The following PTK2 variants were observed in gnomAD, a reference collection of about 807,000 sequenced individuals.
The protein encoded by PTK2 is protein tyrosine kinase 2, also known as focal adhesion kinase 1.
Under a neutral mutation model 150.1 loss-of-function variants are expected in PTK2, and 45 were observed. That is an observed-to-expected ratio of 0.30 (90% CI 0.24 to 0.38). The LOEUF is 0.38. PTK2 is among the 10% of genes least tolerant of loss of function. The pLI is 1.00. For missense variants in PTK2, 919 were observed against 1,307.3 expected, an observed-to-expected ratio of 0.70 and a Z score of 4.58; for synonymous variants, 432 against 449.2, an observed-to-expected ratio of 0.96 and a Z score of 0.48.
At chr8:140,968,398 T>G (rs2100186051) in intron 1 of PTK2, among the ~76,000 whole-genome samples, 1 of 152,106 alleles carries the variant, frequency 6.6e-6, no homozygotes. Context: ...AAAAAATCGT[T>G]TTTAATTATT....
chr8:140,752,691 C>T lies in PTK2; in HGVS notation c.1333-375G>A, dbSNP rs568055130. 1.4e-4 allele frequency among the ~76,000 whole-genome samples: 22 copies of T among 152,318 alleles called. No homozygotes were observed. The South Asian group carries it at 4.6e-3, about 32-fold the overall frequency. ...CAGATAATAAATAAAGAATTAATTA[C>T]ATAGTATGTTAGAAGGTAACCGTGT... On this transcript the variant is annotated intron_variant, in intron 16 of 31. Coordinates refer to ENST00000522684, the Ensembl canonical transcript of PTK2.
chr8:140,851,026 T>C (rs1218736305), intron 5 of PTK2, among the ~76,000 whole-genome samples: 2 of 152,228 alleles, frequency 1.3e-5, no homozygotes, highest in Admixed American at 6.5e-5. Context: ...TCAAATGACC[T>C]TGGTAGCAAA....
At chr8:140,959,538 CAAAAA>C (rs34010616) in intron 1 of PTK2, among the ~76,000 whole-genome samples, 1 of 85,060 alleles carries the variant, frequency 1.2e-5, no homozygotes. Context: ...GACTCTGTCT[CAAAAA>C]AAAAAAAAAA....
intron 29 of PTK2, among the ~76,000 whole-genome samples, chr8:140,670,912 C>T (rs2095265826): frequency 6.6e-6 from 1 of 152,120 alleles, no homozygotes; most frequent in Non-Finnish European, 1.5e-5. Context: ...TCTACTTTAC[C>T]CTTTGCCCAA....
At chr8:140,920,571 GC>G (rs747052632) in intron 2 of PTK2, among the ~76,000 whole-genome samples, 3 of 152,036 alleles carry the variant, frequency 2.0e-5, no homozygotes, top group Non-Finnish European at 4.4e-5. Context: ...ATAGGACAGA[GC>G]ATTAAAAGAT....
exon 5 of PTK2, chr8:140,864,376 A>G (rs1344432751): frequency 6.3e-7 from 1 of 1,591,694 alleles, no homozygotes. Flanking sequence ...TCCTTTTGGC[A>G]AATAACGAAT....
chr8:140,983,196 G>C (rs1265205482), intron 1 of PTK2, among the ~76,000 whole-genome samples: 2 of 151,964 alleles, frequency 1.3e-5, no homozygotes, highest in Non-Finnish European at 2.9e-5. Context: ...AGACCAGCCT[G>C]GCCAACAGAG....
At chr8:140,972,750 G>A (rs2100187785) in intron 1 of PTK2, among the ~76,000 whole-genome samples, 1 of 152,048 alleles carries the variant, frequency 6.6e-6, no homozygotes, top group Admixed American at 6.6e-5. Flanking sequence ...TAGATTCCCA[G>A]GTCTTCCGCA....
intron 2 of PTK2, among the ~76,000 whole-genome samples, chr8:140,907,770 G>A (rs960145939): frequency 3.3e-5 from 5 of 152,068 alleles, no homozygotes; most frequent in African/African-American, 9.7e-5. Context: ...GTCTTGGGGT[G>A]CCACAAATGG....
chr8:140,940,899 G>A (rs1217991122), intron 1 of PTK2, among the ~76,000 whole-genome samples: 2 of 152,062 alleles, frequency 1.3e-5, no homozygotes, highest in African/African-American at 4.8e-5. Context: ...GAACCCAGGA[G>A]GCAGTGGTTG....
intron 1 of PTK2, among the ~76,000 whole-genome samples, chr8:140,990,489 A>G (rs2100195297): frequency 6.6e-6 from 1 of 152,040 alleles, no homozygotes; most frequent in Non-Finnish European, 1.5e-5. Flanking sequence ...TGATCCTCCC[A>G]CCCTGGCCTC....
chr8:140,701,458 G>A (rs2100030410), intron 25 of PTK2, among the ~76,000 whole-genome samples: 1 of 152,004 alleles, frequency 6.6e-6, no homozygotes, highest in Non-Finnish European at 1.5e-5. Context: ...AATGAGATGG[G>A]GTCTTGCTAT....
chr8:140,661,489 G>A (rs1411088973), intron 31 of PTK2, among the ~76,000 whole-genome samples: 1 of 152,202 alleles, frequency 6.6e-6, no homozygotes, highest in African/African-American at 2.4e-5. Flanking sequence ...AAAGCAGACC[G>A]TTCTTGCCAA....
chr8:140,818,451 G>C (rs1566964370), intron 9 of PTK2, 97 bp from the exon 10 acceptor site: 3 of 1,061,828 alleles, frequency 2.8e-6, no homozygotes, highest in Non-Finnish European at 4.3e-6. Context: ...CCAAAGCAGG[G>C]GCTGGTTTGG....
chr8:140,751,209 C>T (rs2100062466), intron 17 of PTK2, among the ~76,000 whole-genome samples: 1 of 152,218 alleles, frequency 6.6e-6, no homozygotes, highest in Admixed American at 6.5e-5. Flanking sequence ...CATTCAGTCA[C>T]TTAGGCTGGA....
chr8:140,827,219 T>C (rs1049120863), intron 8 of PTK2, among the ~76,000 whole-genome samples: 3 of 152,148 alleles, frequency 2.0e-5, no homozygotes, highest in Non-Finnish European at 4.4e-5. Context: ...ACCAAGTGAC[T>C]GCCCACAATG....
chr8:140,798,864 G>C (rs187605333), intron 12 of PTK2, among the ~76,000 whole-genome samples: 1 of 151,930 alleles, frequency 6.6e-6, no homozygotes, highest in Non-Finnish European at 1.5e-5. Context: ...AGAAGAAAAC[G>C]TCAAAAATAA....
rs73356581 is a variant in PTK2, at chr8:140,999,646, T to G, written c.-122+1479A>C. Among the ~76,000 whole-genome samples the G allele has an allele frequency of 9.8e-3, 1,494 of 152,354 alleles. 32 individuals carry two copies. Among genetic ancestry groups the G allele is most frequent in the African/African-American group, 0.033 (1,379 of 41,572 alleles). On this transcript the variant is annotated intron_variant, in intron 1 of 31. Transcript: ENST00000522684. ...TTACTTTTATGTGTCTTGTAACTAG[T>G]TCATCCGTGTGCTTGCATCGCACTG...
At chr8:140,901,626 T>G (rs780250189) in intron 2 of PTK2, among the ~76,000 whole-genome samples, 1 of 149,908 alleles carries the variant, frequency 6.7e-6, no homozygotes, top group Non-Finnish European at 1.5e-5. Flanking sequence ...AACTCCAGCT[T>G]GGGCAAGAAA....
Sources: allele counts gnomAD v4.1 joint callset (sites outside exome capture counted in the v4.1 genomes callset), GRCh38; gene constraint gnomAD v4.1.1; transcripts MANE v1.5; gene names NCBI Gene and HGNC (gene_info 2026-07-23, HGNC 2026-07-21).